Variants in PRKCE observed in about 807,000 individuals in gnomAD.
PRKCE encodes protein kinase C epsilon type.
A neutral mutation model predicts 85.4 loss-of-function variants in PRKCE; 16 were observed. That is an observed-to-expected ratio of 0.19 (90% CI 0.13 to 0.28). The LOEUF (loss-of-function observed/expected upper bound fraction) is 0.28, where lower values mean the gene tolerates loss of function less well. Ranked by LOEUF, PRKCE falls within the 10% of genes least tolerant of loss-of-function variation. The probability of loss-of-function intolerance (pLI) is 1.00; values close to 1 mark genes in which losing one functional copy is unlikely to be tolerated. For missense variants in PRKCE, 573 were observed against 975.2 expected, an observed-to-expected ratio of 0.59 and a Z score of 5.49; for synonymous variants, 388 against 371.5, an observed-to-expected ratio of 1.04 and a Z score of -0.51.
chr2:46,044,894 A>G (rs1708425916), intron 10 of PRKCE, among the ~76,000 whole-genome samples: 1 of 152,152 alleles, frequency 6.6e-6, no homozygotes, highest in African/African-American at 2.4e-5. Flanking sequence ...GCTTCACTCC[A>G]CGTGGTGTGT....
intron 1 of PRKCE, among the ~76,000 whole-genome samples, chr2:45,688,147 C>T (rs1306854387): frequency 6.6e-6 from 1 of 152,128 alleles, no homozygotes; most frequent in African/African-American, 2.4e-5. Context: ...ATAATGATGC[C>T]ACCTGTTACA....
Position 45,848,523 on chromosome 2 carries a change from C to T in PRKCE, c.412+5460C>T, listed in dbSNP as rs184246397. ...ACAGGGTTTTGCCATGTTGGCCAGG[C>T]TGGTCTCGAACTCCTGACTTCATGT... On this transcript the variant is annotated intron_variant, in intron 2 of 14. Transcript: ENST00000306156. Among the ~76,000 whole-genome samples the T allele has an allele frequency of 2.6e-5, 4 of 152,236 alleles. No homozygotes were observed. In the East Asian group the frequency reaches 7.7e-4, roughly 29 times the overall value.
At chr2:45,753,814 A>G (rs913411563) in intron 1 of PRKCE, among the ~76,000 whole-genome samples, 1 of 152,108 alleles carries the variant, frequency 6.6e-6, no homozygotes, top group Non-Finnish European at 1.5e-5. Flanking sequence ...ACATCCTAAC[A>G]TTCCCCTCCA....
At position 46,128,804 on chromosome 2, in the gene PRKCE, A is replaced by G. The variant is rs1322601504; in HGVS notation, c.1593-16289A>G. On this transcript the variant is annotated intron_variant, in intron 11 of 14. Transcript: ENST00000306156. ...AACCACACACCTAAAGACCTTCTGC[A>G]CTGGAAATGTTGGTGATCCTGGGGA... Among the ~76,000 whole-genome samples the G allele has an allele frequency of 3.3e-5, 5 of 152,218 alleles. No individual in the cohort carries two copies. In the South Asian group the frequency reaches 8.3e-4, roughly 25 times the overall value.
chr2:46,160,225 G>C (rs1384344314), intron 14 of PRKCE, among the ~76,000 whole-genome samples: 2 of 152,174 alleles, frequency 1.3e-5, no homozygotes, highest in African/African-American at 2.4e-5. Context: ...GATGGTGCTG[G>C]GGGGAGCTTC....
At chr2:45,953,846 G>A (rs571892069) in intron 2 of PRKCE, among the ~76,000 whole-genome samples, 3 of 152,290 alleles carry the variant, frequency 2.0e-5, no homozygotes, top group East Asian at 3.9e-4. Flanking sequence ...AGCCCGTGTT[G>A]TGCAATATTA....
chr2:45,806,709 A>T (rs893355092), intron 1 of PRKCE, among the ~76,000 whole-genome samples: 3 of 152,028 alleles, frequency 2.0e-5, no homozygotes, highest in Non-Finnish European at 4.4e-5. Flanking sequence ...AGCTTATTTC[A>T]CTTAGGTCGC....
intron 1 of PRKCE, among the ~76,000 whole-genome samples, chr2:45,731,160 T>C (rs988166239): frequency 6.6e-6 from 1 of 152,156 alleles, no homozygotes; most frequent in Non-Finnish European, 1.5e-5. Context: ...TTAGTTAGCA[T>C]TGGCCTTTGT....
chr2:45,709,130 G>T (rs1679381485), intron 1 of PRKCE, among the ~76,000 whole-genome samples: 1 of 152,218 alleles, frequency 6.6e-6, no homozygotes, highest in African/African-American at 2.4e-5. Flanking sequence ...GCTGCCTCTG[G>T]GTGTGAAAGA....
intron 10 of PRKCE, among the ~76,000 whole-genome samples, chr2:46,015,031 C>G (rs978399940): frequency 2.6e-5 from 4 of 152,178 alleles, no homozygotes; most frequent in African/African-American, 4.8e-5. Context: ...CCTGCATCTA[C>G]AAGATCAGAT....
intron 10 of PRKCE, among the ~76,000 whole-genome samples, chr2:46,018,107 G>A (rs1706320681): frequency 1.3e-5 from 2 of 152,336 alleles, no homozygotes; most frequent in South Asian, 2.1e-4. Flanking sequence ...GGCAAGAGGA[G>A]CAGGGTTGAT....
intron 1 of PRKCE, among the ~76,000 whole-genome samples, chr2:45,775,813 A>G (rs1685705649): frequency 6.6e-6 from 1 of 152,276 alleles, no homozygotes; most frequent in South Asian, 2.1e-4. Flanking sequence ...AACAGCCTAC[A>G]AGGCCACACA....
intron 1 of PRKCE, among the ~76,000 whole-genome samples, chr2:45,655,454 G>T (rs748158809): frequency 2.6e-5 from 4 of 151,962 alleles, no homozygotes; most frequent in African/African-American, 4.8e-5. Flanking sequence ...AAGCCTAAAA[G>T]TTGGACACCC....
In PRKCE at chr2:45,938,536, G is replaced by A. The variant is rs184214911; in HGVS notation, c.413-37893G>A. Among the ~76,000 whole-genome samples, 19 of 151,886 alleles carry A rather than the reference G, an allele frequency of 1.3e-4. No individual in the cohort carries two copies. In the East Asian group the frequency reaches 2.5e-3, roughly 20 times the overall value. On this transcript the variant is annotated intron_variant, in intron 2 of 14. Coordinates refer to ENST00000306156, the MANE Select transcript of PRKCE (RefSeq NM_005400.3). ...GTTGTGTCCCTTTCAACATTTCAGCGCCCACCCCTCAAACCCCCATCAAGC... is the reference window on the plus strand; with the variant it reads ...GTTGTGTCCCTTTCAACATTTCAGCACCCACCCCTCAAACCCCCATCAAGC...
chr2:45,992,356 C>T lies in PRKCE; in HGVS notation c.823+7676C>T, dbSNP rs755155447. On this transcript the variant is annotated intron_variant, in intron 6 of 14. Coordinates refer to ENST00000306156, the MANE Select transcript of PRKCE (RefSeq NM_005400.3). Reference sequence around the variant, plus strand: ...TCGTGGTCCCCGGAAAGCTCTGAGTCACGGTTCTGGTGTGATCAGGACTCC... The same window carrying T: ...TCGTGGTCCCCGGAAAGCTCTGAGTTACGGTTCTGGTGTGATCAGGACTCC... Among the ~76,000 whole-genome samples the T allele has an allele frequency of 2.8e-4, 43 of 152,142 alleles. 1 individual carries two copies. Among genetic ancestry groups the T allele is most frequent in the Non-Finnish European group, 6.2e-4 (42 of 68,024 alleles).
chr2:46,015,046 A>G (rs1046454866), intron 10 of PRKCE, among the ~76,000 whole-genome samples: 4 of 152,160 alleles, frequency 2.6e-5, no homozygotes, highest in African/African-American at 7.2e-5. Flanking sequence ...TCAGATGCCT[A>G]TCGGTAGAGG....
intron 10 of PRKCE, among the ~76,000 whole-genome samples, chr2:46,061,943 G>A (rs1200405327): frequency 1.5e-5 from 2 of 133,890 alleles, no homozygotes; most frequent in Non-Finnish European, 3.0e-5. Context: ...TACAACCTCC[G>A]CCTCCCGGGT....
intron 1 of PRKCE, among the ~76,000 whole-genome samples, chr2:45,708,317 C>T (rs1679297352): frequency 6.6e-6 from 1 of 152,194 alleles, no homozygotes; most frequent in Non-Finnish European, 1.5e-5. Context: ...CTACACCTCT[C>T]ATTCCCTTAT....
At chr2:45,779,891 C>G (rs1250869871) in intron 1 of PRKCE, among the ~76,000 whole-genome samples, 2 of 152,164 alleles carry the variant, frequency 1.3e-5, no homozygotes, top group Non-Finnish European at 2.9e-5. Context: ...AAATTTTAAA[C>G]ATATGCAAAC....
Sources: gnomAD v4.1 joint callset for allele counts (sites outside exome capture counted in the v4.1 genomes callset) on GRCh38, gnomAD v4.1.1 for gene constraint, MANE v1.5 for transcripts, NCBI Gene and HGNC (gene_info 2026-07-23, HGNC 2026-07-21) for gene names.